Variants in RBM20 observed in about 807,000 individuals in gnomAD.
RBM20 encodes RNA binding motif protein 20, also known as RNA-binding protein 20.
Under a neutral mutation model 110.1 loss-of-function variants are expected in RBM20, and 51 were observed. That is an observed-to-expected ratio of 0.46 (90% CI 0.37 to 0.59). The LOEUF is 0.59. RBM20 is among the 20% of genes least tolerant of loss of function. The pLI, the probability that RBM20 is intolerant of heterozygous loss-of-function variation, is 0.00. For missense variants in RBM20, 1,512 were observed against 1,574.9 expected, an observed-to-expected ratio of 0.96 and a Z score of 0.68; for synonymous variants, 589 against 618.2, an observed-to-expected ratio of 0.95 and a Z score of 0.70.
chr10:110,833,398 A>AAAAAAAAAG (rs1845082218), intron 13 of RBM20, among the ~76,000 whole-genome samples: 2 of 149,108 alleles, frequency 1.3e-5, no homozygotes, highest in Non-Finnish European at 3.0e-5. Context: ...CAGAAAAAAA[A>AAAAAAAAAG]AAAAAAAAGA....
At position 110,821,924 on chromosome 10, in the gene RBM20, T is replaced by C; in HGVS notation, c.3305T>C (p.Val1102Ala). 6.4e-7 allele frequency: 1 copy of C among 1,551,646 alleles called. No individual in the cohort carries two copies. The highest frequency in any genetic ancestry group is 8.7e-7 in the Non-Finnish European group (1 of 1,146,980). Residue 1102 changes from valine (V) to alanine (A), a missense_variant, in exon 11 of 14, where the codon GTG (valine) becomes GCG (alanine). Transcript: ENST00000369519. ...TDLQNQACQEVLTPENSRYVE... is the reference protein window; with the variant it reads ...TDLQNQACQEALTPENSRYVE... ...CTCCAAAACCAAGCTTGCCAAGAAG[T>C]GTTGACCCCGGGTAACTATCTCCCC...
intron 1 of RBM20, among the ~76,000 whole-genome samples, chr10:110,776,665 AC>A (rs561774307): frequency 5.3e-5 from 8 of 152,242 alleles, no homozygotes; most frequent in Non-Finnish European, 1.2e-4. Context: ...CATTGGGCAT[AC>A]CAAATTAAAT....
At position 110,674,542 on chromosome 10, in the gene RBM20, A is replaced by G. The variant is rs142314993; in HGVS notation, c.191+29897A>G. On this transcript the variant is annotated intron_variant, in intron 1 of 13. Coordinates refer to ENST00000369519, the MANE Select transcript of RBM20 (RefSeq NM_001134363.3). ...TTTTTGTCGTGACCACGCAAGCTCA[A>G]TAATGTCTCCCAAGTCTTGTAGATC... is the stretch of plus-strand genomic sequence containing the variant. Among the ~76,000 whole-genome samples, 432 of 152,368 alleles carry G rather than the reference A, an allele frequency of 2.8e-3. 1 individual carries two copies. The highest frequency in any genetic ancestry group is 3.8e-3 in the Non-Finnish European group (261 of 68,040).
At chr10:110,699,403 C>A (rs1244831233) in intron 1 of RBM20, among the ~76,000 whole-genome samples, 1 of 151,754 alleles carries the variant, frequency 6.6e-6, no homozygotes, top group Non-Finnish European at 1.5e-5. Flanking sequence ...TCCCAAATAG[C>A]TGAGATTACA....
At chr10:110,759,153 C>T (rs986328531) in intron 1 of RBM20, among the ~76,000 whole-genome samples, 3 of 152,194 alleles carry the variant, frequency 2.0e-5, no homozygotes, top group Admixed American at 1.3e-4. Context: ...GTAGCCTTTT[C>T]GGCGCTGAGC....
At chr10:110,782,336 C>T (rs192588502) in intron 2 of RBM20, among the ~76,000 whole-genome samples, 1 of 152,188 alleles carries the variant, frequency 6.6e-6, no homozygotes, top group Non-Finnish European at 1.5e-5. Context: ...GGGACCTAGA[C>T]AAATTATTAT....
intron 1 of RBM20, among the ~76,000 whole-genome samples, chr10:110,693,417 G>A (rs765087145): frequency 1.3e-5 from 2 of 152,084 alleles, no homozygotes; most frequent in Non-Finnish European, 1.5e-5. Context: ...GGAGGTTTTT[G>A]ATTACTGATT....
intron 1 of RBM20, among the ~76,000 whole-genome samples, chr10:110,657,004 T>G (rs1211481488): frequency 1.3e-5 from 2 of 150,668 alleles, no homozygotes; most frequent in African/African-American, 4.9e-5. Flanking sequence ...GTGGAATTGG[T>G]GGGTCATATG....
At chr10:110,747,020 C>T (rs1299994178) in intron 1 of RBM20, among the ~76,000 whole-genome samples, 1 of 152,082 alleles carries the variant, frequency 6.6e-6, no homozygotes, top group Non-Finnish European at 1.5e-5. Flanking sequence ...TTGATTAAGG[C>T]CTGCAGTCTA....
chr10:110,687,995 T>TTGTGTG lies in RBM20; in HGVS notation c.191+43386_191+43391dup, dbSNP rs60479740. Among the ~76,000 whole-genome samples the TTGTGTG allele has an allele frequency of 2.0e-3, 294 of 145,474 alleles. 3 individuals are homozygous for TTGTGTG. The highest frequency in any genetic ancestry group is 2.8e-3 in the Non-Finnish European group (182 of 66,162). On this transcript the variant is annotated intron_variant, in intron 1 of 13. Transcript: ENST00000369519. ...TCATGAGTGCTACTCCTAAATGGTT[T>TTGTGTG]TGTGTGTGTGTGTGTGTGTGTGTGT...
intron 1 of RBM20, among the ~76,000 whole-genome samples, chr10:110,731,963 G>T (rs1843624765): frequency 6.6e-6 from 1 of 152,106 alleles, no homozygotes. Context: ...TGGACCTTCA[G>T]GTCCATCTTC....
chr10:110,643,443 G>A (rs1453597003), upstream of RBM20, among the ~76,000 whole-genome samples: 4 of 152,248 alleles, frequency 2.6e-5, no homozygotes, highest in Admixed American at 2.0e-4. Context: ...GTGAACCGGT[G>A]AGTGCAGGTG....
At chr10:110,763,058 G>A (rs994360243) in intron 1 of RBM20, among the ~76,000 whole-genome samples, 8 of 152,306 alleles carry the variant, frequency 5.3e-5, no homozygotes, top group African/African-American at 1.4e-4. Context: ...GAGGCCAACG[G>A]AGCCTGGGAC....
At chr10:110,728,655 C>T (rs756152528) in intron 1 of RBM20, among the ~76,000 whole-genome samples, 18 of 152,210 alleles carry the variant, frequency 1.2e-4, no homozygotes, top group Non-Finnish European at 2.6e-4. Flanking sequence ...AATCATAATG[C>T]TTCTCTTTTG....
At chr10:110,670,829 A>T (rs534833289) in intron 1 of RBM20, among the ~76,000 whole-genome samples, 1 of 152,326 alleles carries the variant, frequency 6.6e-6, no homozygotes, top group East Asian at 1.9e-4. Flanking sequence ...AAATATTAGC[A>T]GTAATCTCTT....
At chr10:110,685,405 T>A (rs1862488565) in intron 1 of RBM20, among the ~76,000 whole-genome samples, 1 of 152,192 alleles carries the variant, frequency 6.6e-6, no homozygotes, top group Non-Finnish European at 1.5e-5. Context: ...AGGGACTTTC[T>A]TGTTTTCTGT....
chr10:110,685,953 C>T (rs10787268), intron 1 of RBM20, among the ~76,000 whole-genome samples: 44,347 of 152,128 alleles, frequency 0.29, 6,956 homozygotes, highest in Middle Eastern at 0.41. Flanking sequence ...CCTTTAAATC[C>T]TCACAGGTAT....
intron 1 of RBM20, among the ~76,000 whole-genome samples, chr10:110,684,828 A>G (rs963250474): frequency 6.6e-6 from 1 of 152,206 alleles, no homozygotes; most frequent in African/African-American, 2.4e-5. Context: ...ATGCAGCCTA[A>G]ATAAAGTTAT....
At chr10:110,823,183 G>T (rs1304716030) in intron 11 of RBM20, among the ~76,000 whole-genome samples, 1 of 152,106 alleles carries the variant, frequency 6.6e-6, no homozygotes, top group Non-Finnish European at 1.5e-5. Flanking sequence ...GAGGCATGGG[G>T]GGTGGGGGGT....
Sources: gnomAD v4.1 joint callset for allele counts (sites outside exome capture counted in the v4.1 genomes callset) on GRCh38, gnomAD v4.1.1 for gene constraint, MANE v1.5 for transcripts, NCBI Gene and HGNC (gene_info 2026-07-23, HGNC 2026-07-21) for gene names.